Variants in FLRT2 observed in about 807,000 individuals in gnomAD.
FLRT2 encodes fibronectin leucine rich transmembrane protein 2.
A neutral mutation model predicts 40.0 loss-of-function variants in FLRT2; 15 were observed. That is an observed-to-expected ratio of 0.38 (90% CI 0.25 to 0.58). The LOEUF (loss-of-function observed/expected upper bound fraction) is 0.58, where lower values mean the gene tolerates loss of function less well. Among genes scored for constraint, FLRT2 ranks in the 20% least tolerant of loss-of-function variants. FLRT2 has a pLI of 0.71. For synonymous variants in FLRT2, 380 were observed against 336.8 expected, an observed-to-expected ratio of 1.13 and a Z score of -1.41; for missense variants, 726 against 840.0, an observed-to-expected ratio of 0.86 and a Z score of 1.68.
In FLRT2 at chr14:85,623,493, C is replaced by A. The variant is rs1893526738; in HGVS notation, c.1979C>A (p.Thr660Lys). 3 of 1,428,496 alleles carry A rather than the reference C, an allele frequency of 2.1e-6. No individual in the cohort carries two copies. Among genetic ancestry groups the A allele is most frequent in the Non-Finnish European group, 1.8e-6 (2 of 1,089,378 alleles). The allele number at this position is 1,428,496 out of a possible 1,614,324, so 88.5% of individuals were successfully genotyped here. ...SSVPDLEHCHT is the reference protein window; with the variant it reads ...SSVPDLEHCHK ...GTGCCAGACCTGGAGCACTGCCATACGTGACAGCCAGAGGCCCAGCGTTAT... is the reference window on the plus strand; with the variant it reads ...GTGCCAGACCTGGAGCACTGCCATAAGTGACAGCCAGAGGCCCAGCGTTAT... The change falls in exon 2 of 2, where the codon ACG becomes AAG. Residue 660 changes from threonine (T) to lysine (K), a missense_variant. Thr to Lys is a moderately conservative substitution (Grantham distance 78). Transcript: ENST00000330753.
chr14:85,556,416 A>G (rs1889967283), intron 1 of FLRT2, among the ~76,000 whole-genome samples: 1 of 152,224 alleles, frequency 6.6e-6, no homozygotes, highest in South Asian at 2.1e-4. Context: ...TACTGTTGCT[A>G]AAAATATTTC....
chr14:85,607,903 C>T lies in FLRT2; in HGVS notation c.-376-13236C>T, dbSNP rs562035959. On this transcript the variant is annotated intron_variant, in intron 1 of 1. Coordinates refer to ENST00000330753, the MANE Select transcript of FLRT2 (RefSeq NM_013231.6). The stretch of plus-strand genomic sequence containing the variant: ...TCTGGTGGCTAGGAGTTCAAGCTGT[C>T]GGCAGGGCTGGTTTCTTCCTAGGCT... Among the ~76,000 whole-genome samples the T allele has an allele frequency of 4.6e-5, 7 of 152,138 alleles. No individual in the cohort carries two copies. The South Asian group carries it at 1.2e-3, about 27-fold the overall frequency.
At position 85,633,360 on chromosome 14, in the gene FLRT2, C is replaced by A. The variant is rs566066897; in HGVS notation, c.*9863C>A. ...GGTTGAACAGAAAGAGAACAGACTT[C>A]TTTATAATGTAGCATATATTCTATC... On this transcript the variant is annotated 3_prime_UTR_variant, in exon 2 of 2. Coordinates refer to ENST00000330753, the MANE Select transcript of FLRT2 (RefSeq NM_013231.6). 12 of 152,028 alleles carry A rather than the reference C, an allele frequency of 7.9e-5. No individual in the cohort carries two copies. The highest frequency in any genetic ancestry group is 1.5e-4 in the Non-Finnish European group (10 of 68,024). The allele number at this position is 152,028 out of a possible 1,614,324, so 9.4% of individuals were successfully genotyped here.
intron 1 of FLRT2, among the ~76,000 whole-genome samples, chr14:85,603,449 T>C (rs1892469723): frequency 6.6e-6 from 1 of 152,238 alleles, no homozygotes; most frequent in African/African-American, 2.4e-5. Flanking sequence ...TGACTGCTCA[T>C]TGCTGAGTGA....
At chr14:85,616,481 G>A (rs774186492) in intron 1 of FLRT2, among the ~76,000 whole-genome samples, 3 of 152,164 alleles carry the variant, frequency 2.0e-5, no homozygotes, top group Admixed American at 6.6e-5. Flanking sequence ...AGTGAGAAGC[G>A]GACAGAGAGT....
At position 85,642,230 on chromosome 14, in the gene FLRT2, G is replaced by C. The variant is rs74353132; in HGVS notation, c.*18733G>C. ...TTCAGTTGAATCACACCCTCATCAG[G>C]TCTTCTCTGTGAAAATTAGGGCATT... On this transcript the variant is annotated 3_prime_UTR_variant, in exon 2 of 2. Transcript: ENST00000330753. 17,425 of 151,796 alleles carry C rather than the reference G, an allele frequency of 0.11. 1,244 individuals are homozygous for C. Among genetic ancestry groups the C allele is most frequent in the East Asian group, 0.25 (1,282 of 5,128 alleles). The allele number at this position is 151,796 out of a possible 1,614,324, so 9.4% of individuals were successfully genotyped here. A position where few individuals can be genotyped will look rare whatever the true frequency, so the allele number is the denominator to read the frequency against.
At chr14:85,600,916 A>T (rs1291966159) in intron 1 of FLRT2, among the ~76,000 whole-genome samples, 1 of 152,188 alleles carries the variant, frequency 6.6e-6, no homozygotes, top group Non-Finnish European at 1.5e-5. Context: ...CTAACTGCTT[A>T]ATAGATGTTC....
chr14:85,570,086 C>T (rs1955424), intron 1 of FLRT2, among the ~76,000 whole-genome samples: 124,530 of 152,044 alleles, frequency 0.82, 51,177 homozygotes, highest in East Asian at 0.9. Flanking sequence ...TTCTGTTCTC[C>T]AGCTTCTGAT....
chr14:85,613,500 G>A (rs1332881952), intron 1 of FLRT2, among the ~76,000 whole-genome samples: 1 of 151,904 alleles, frequency 6.6e-6, no homozygotes, highest in African/African-American at 2.4e-5. Context: ...ATAGCTTTAG[G>A]TAGCTTAAAA....
chr14:85,645,170 A>T lies in FLRT2; in HGVS notation c.*21673A>T, dbSNP rs1008633056. ...TATATATATACACACATATGTGTGT[A>T]TGTATATGTATACCTATATATATGT... On this transcript the variant is annotated 3_prime_UTR_variant, in exon 2 of 2. Coordinates refer to ENST00000330753, the MANE Select transcript of FLRT2 (RefSeq NM_013231.6). 1.3e-5 allele frequency: 2 copies of T among 149,628 alleles called. No homozygotes were observed. Among genetic ancestry groups the T allele is most frequent in the African/African-American group, 2.5e-5 (1 of 39,262 alleles). The allele number at this position is 149,628 out of a possible 1,614,324, so 9.3% of individuals were successfully genotyped here. A position where few individuals can be genotyped will look rare whatever the true frequency, so the allele number is the denominator to read the frequency against.
intron 1 of FLRT2, among the ~76,000 whole-genome samples, chr14:85,549,337 G>T (rs1889471202): frequency 6.6e-6 from 1 of 152,166 alleles, no homozygotes; most frequent in Non-Finnish European, 1.5e-5. Context: ...GCTGCCATGG[G>T]CCTGCACGGA....
In FLRT2 at chr14:85,623,407, T is replaced by G. The variant is rs763907909; in HGVS notation, c.1893T>G (p.Asn631Lys). 4 of 1,506,536 alleles carry G rather than the reference T, an allele frequency of 2.7e-6. No individual in the cohort carries two copies. Among genetic ancestry groups the G allele is most frequent in the Non-Finnish European group, 3.5e-6 (4 of 1,130,428 alleles). 93.3% of individuals were successfully genotyped at this position (1,506,536 alleles called of 1,614,324 possible). A position where few individuals can be genotyped will look rare whatever the true frequency, so the allele number is the denominator to read the frequency against. ...GACTGCAGCCCATTTACACCCCAAA[T>G]GGGGGCATTAATTACACAGACTGCC... Reference protein sequence around the residue: ...DFRLQPIYTPNGGINYTDCHI... With the variant: ...DFRLQPIYTPKGGINYTDCHI... Residue 631 changes from asparagine (N) to lysine (K), a missense_variant, in exon 2 of 2, where the codon AAT becomes AAG. This residue lies in a region of FLRT2 where 611 missense variants were observed against 690.0 expected (regional missense o/e 0.89). Coordinates refer to ENST00000330753, the MANE Select transcript of FLRT2 (RefSeq NM_013231.6).
At chr14:85,532,875 G>A (rs1888370514) in intron 1 of FLRT2, among the ~76,000 whole-genome samples, 1 of 152,132 alleles carries the variant, frequency 6.6e-6, no homozygotes, top group Non-Finnish European at 1.5e-5. Flanking sequence ...CTCCCTCTTG[G>A]CAGTACACCA....
intron 1 of FLRT2, among the ~76,000 whole-genome samples, chr14:85,599,595 A>C (rs1892294034): frequency 6.6e-6 from 1 of 152,220 alleles, no homozygotes; most frequent in Admixed American, 6.5e-5. Context: ...GTTTTAAGTT[A>C]GTCAGACAGC....
At chr14:85,533,303 T>C (rs950817702) in intron 1 of FLRT2, among the ~76,000 whole-genome samples, 2 of 138,804 alleles carry the variant, frequency 1.4e-5, no homozygotes, top group African/African-American at 5.2e-5. Context: ...GGGGTAGGGG[T>C]GGGGGCCGCG....
At chr14:85,595,141 C>G (rs1892077201) in intron 1 of FLRT2, among the ~76,000 whole-genome samples, 1 of 152,052 alleles carries the variant, frequency 6.6e-6, no homozygotes, top group South Asian at 2.1e-4. Context: ...GGCAGGTACA[C>G]TTGGTGCTAC....
In FLRT2 at chr14:85,562,620, C is replaced by CTTTTTTTTTTTTTTTTTTTTTTT. The variant is rs3830857; in HGVS notation, c.-377+32100_-377+32101insTTTTTTTTTTTTTTTTTTTTTTT. 27 of 115,500 alleles carry CTTTTTTTTTTTTTTTTTTTTTTT rather than the reference C, an allele frequency of 2.3e-4. 4 individuals are homozygous for CTTTTTTTTTTTTTTTTTTTTTTT. The highest frequency in any genetic ancestry group is 4.1e-4 in the Non-Finnish European group (24 of 58,024). The allele number at this position is 115,500 out of a possible 1,614,324, so 7.2% of individuals were successfully genotyped here. ...CCTCCTAACCCACCTTTCTTTCTTT[C>CTTTTTTTTTTTTTTTTTTTTTTT]TTTTTTTTTTTTTTGAATCTAGACT... On this transcript the variant is annotated intron_variant, in intron 1 of 1. Coordinates refer to ENST00000330753, the MANE Select transcript of FLRT2 (RefSeq NM_013231.6).
intron 1 of FLRT2, among the ~76,000 whole-genome samples, chr14:85,568,100 T>G (rs1482732709): frequency 1.3e-5 from 2 of 151,974 alleles, no homozygotes; most frequent in Non-Finnish European, 2.9e-5. Flanking sequence ...GTTCTGCTTG[T>G]GGAGGGTTCC....
In FLRT2 at chr14:85,651,508, AATATCTT is replaced by A. The variant is rs1397266661; in HGVS notation, c.*28015_*28021del. 3.9e-5 allele frequency: 6 copies of A among 152,092 alleles called. No individual in the cohort carries two copies. Among genetic ancestry groups the A allele is most frequent in the African/African-American group, 1.4e-4 (6 of 41,438 alleles). 9.4% of individuals were successfully genotyped at this position (152,092 alleles called of 1,614,324 possible). A position where few individuals can be genotyped will look rare whatever the true frequency, so the allele number is the denominator to read the frequency against. On this transcript the variant is annotated 3_prime_UTR_variant, in exon 2 of 2. Coordinates refer to ENST00000330753, the MANE Select transcript of FLRT2 (RefSeq NM_013231.6). The stretch of plus-strand genomic sequence containing the variant: ...TGTGCCTGTGTCCATTTATTTCAAT[AATATCTT>A]ATACTATGACTCTATATTATTAATT...
Sources: allele counts gnomAD v4.1 joint callset (sites outside exome capture counted in the v4.1 genomes callset), GRCh38; gene constraint gnomAD v4.1.1; regional missense constraint gnomAD v4.1.1; transcripts MANE v1.5; gene names NCBI Gene and HGNC (gene_info 2026-07-23, HGNC 2026-07-21).